The following LRRC4C variants were observed in gnomAD, a reference collection of about 807,000 sequenced individuals.
LRRC4C encodes leucine rich repeat containing 4C.
Under a neutral mutation model 33.6 loss-of-function variants are expected in LRRC4C, and 5 were observed. The ratio of observed to expected loss-of-function variants is 0.15; its 90% confidence interval spans 0.08 to 0.31. The LOEUF is 0.31. Among genes scored for constraint, LRRC4C ranks in the 10% least tolerant of loss-of-function variants. The pLI is 1.00. For synonymous variants in LRRC4C, 329 were observed against 302.0 expected (o/e 1.09, Z -0.93); for missense variants, 560 against 796.7 (o/e 0.70, Z 3.58).
chr11:40,553,355 A>G (rs543138582), intron 3 of LRRC4C, among the ~76,000 whole-genome samples: 2 of 152,320 alleles, frequency 1.3e-5, no homozygotes, highest in African/African-American at 2.4e-5. Context: ...CTAAATTAAT[A>G]TAGGAATACT....
intron 1 of LRRC4C, among the ~76,000 whole-genome samples, chr11:41,406,234 T>A (rs1317309294): frequency 1.3e-5 from 2 of 152,116 alleles, no homozygotes; most frequent in Non-Finnish European, 2.9e-5. Context: ...AATAAGCAGA[T>A]TTTTAAAAGG....
chr11:40,692,986 T>C (rs1258978164), intron 2 of LRRC4C, among the ~76,000 whole-genome samples: 1 of 152,106 alleles, frequency 6.6e-6, no homozygotes, highest in African/African-American at 2.4e-5. Flanking sequence ...TACAGAACTA[T>C]GAGATTAATA....
chr11:40,904,250 T>C (rs558944610), intron 2 of LRRC4C, among the ~76,000 whole-genome samples: 48 of 152,290 alleles, frequency 3.2e-4, no homozygotes, highest in African/African-American at 1.0e-3. Context: ...AGGCAATTAA[T>C]TCAGACAAGA....
intron 1 of LRRC4C, among the ~76,000 whole-genome samples, chr11:41,118,605 A>C (rs892232335): frequency 2.0e-5 from 3 of 152,134 alleles, no homozygotes; most frequent in African/African-American, 7.2e-5. Context: ...CAATTGGTAA[A>C]TTCCATTTCC....
At chr11:41,325,442 C>G (rs1951079285) in intron 1 of LRRC4C, among the ~76,000 whole-genome samples, 1 of 151,962 alleles carries the variant, frequency 6.6e-6, no homozygotes, top group African/African-American at 2.4e-5. Context: ...TGCAGTATTT[C>G]TTGAACTACT....
chr11:41,261,178 A>G (rs1948971355), intron 1 of LRRC4C, among the ~76,000 whole-genome samples: 1 of 152,056 alleles, frequency 6.6e-6, no homozygotes, highest in South Asian at 2.1e-4. Flanking sequence ...GACAACCCTT[A>G]CCCTTCTGCC....
At chr11:40,152,880 A>C (rs1224918238) in intron 5 of LRRC4C, among the ~76,000 whole-genome samples, 1 of 152,032 alleles carries the variant, frequency 6.6e-6, no homozygotes, top group Non-Finnish European at 1.5e-5. Flanking sequence ...GACAAAGGGC[A>C]TATTATATTG....
intron 3 of LRRC4C, among the ~76,000 whole-genome samples, chr11:40,403,563 G>A (rs1949843275): frequency 6.6e-6 from 1 of 152,068 alleles, no homozygotes; most frequent in African/African-American, 2.4e-5. Flanking sequence ...GGTGGTCTAT[G>A]AAAATTGGAC....
At chr11:40,294,980 A>G (rs1483092598) in intron 4 of LRRC4C, among the ~76,000 whole-genome samples, 1 of 152,210 alleles carries the variant, frequency 6.6e-6, no homozygotes, top group East Asian at 1.9e-4. Context: ...AGTAGCCTTC[A>G]GCCTATGCAG....
At chr11:40,770,186 C>T (rs1949688323) in intron 2 of LRRC4C, among the ~76,000 whole-genome samples, 1 of 152,156 alleles carries the variant, frequency 6.6e-6, no homozygotes, top group South Asian at 2.1e-4. Flanking sequence ...AATTGACTTG[C>T]AGTTTCACAT....
chr11:41,035,064 T>C (rs1022601744), intron 1 of LRRC4C, among the ~76,000 whole-genome samples: 1 of 151,594 alleles, frequency 6.6e-6, no homozygotes, highest in East Asian at 1.9e-4. Flanking sequence ...GTTACATAGG[T>C]ATTTTATAAT....
intron 3 of LRRC4C, among the ~76,000 whole-genome samples, chr11:40,471,021 G>C (rs989630979): frequency 6.6e-6 from 1 of 152,046 alleles, no homozygotes; most frequent in African/African-American, 2.4e-5. Flanking sequence ...TTCAAATTCA[G>C]GAAATACAGA....
intron 1 of LRRC4C, among the ~76,000 whole-genome samples, chr11:41,341,511 T>C (rs887389839): frequency 2.0e-5 from 3 of 152,180 alleles, no homozygotes; most frequent in Non-Finnish European, 2.9e-5. Context: ...ATGCCTGCTT[T>C]TCCCCCCATT....
chr11:40,919,914 T>A (rs576705831), intron 2 of LRRC4C, among the ~76,000 whole-genome samples: 8 of 152,144 alleles, frequency 5.3e-5, no homozygotes, highest in Non-Finnish European at 1.0e-4. Flanking sequence ...TAATTTTTGA[T>A]CAGTTTACTT....
intron 3 of LRRC4C, among the ~76,000 whole-genome samples, chr11:40,398,135 G>A (rs1949614658): frequency 6.6e-6 from 1 of 152,090 alleles, no homozygotes; most frequent in South Asian, 2.1e-4. Flanking sequence ...TGTTGGAGAA[G>A]CTTATTTCTT....
At chr11:41,097,921 C>T (rs1940917764) in intron 1 of LRRC4C, among the ~76,000 whole-genome samples, 1 of 152,054 alleles carries the variant, frequency 6.6e-6, no homozygotes, top group Non-Finnish European at 1.5e-5. Flanking sequence ...GGTTAGCATC[C>T]TTGTCCTGCT....
chr11:41,052,299 C>T (rs1476049098), intron 1 of LRRC4C, among the ~76,000 whole-genome samples: 1 of 152,110 alleles, frequency 6.6e-6, no homozygotes, highest in Non-Finnish European at 1.5e-5. Flanking sequence ...CAGAAGAACT[C>T]TTGGGCTAAA....
intron 3 of LRRC4C, among the ~76,000 whole-genome samples, chr11:40,533,004 T>C (rs571008216): frequency 1.3e-5 from 2 of 152,168 alleles, no homozygotes; most frequent in South Asian, 4.1e-4. Context: ...TCACTCACTA[T>C]CACGAGAACA....
intron 1 of LRRC4C, among the ~76,000 whole-genome samples, chr11:41,295,605 T>TC (rs940915776): frequency 1.3e-5 from 2 of 152,128 alleles, no homozygotes; most frequent in Non-Finnish European, 2.9e-5. Flanking sequence ...AAACATTTTT[T>TC]TTTTTTTTAA....
Sources: allele counts gnomAD v4.1 joint callset (sites outside exome capture counted in the v4.1 genomes callset), GRCh38; gene constraint gnomAD v4.1.1; transcripts MANE v1.5; gene names NCBI Gene and HGNC (gene_info 2026-07-23, HGNC 2026-07-21).